BRINP1: variants seen among roughly 807,000 people sequenced by gnomAD.
BRINP1 encodes the protein BMP/retinoic acid-inducible neural-specific protein 1.
A neutral mutation model predicts 72.9 loss-of-function variants in BRINP1; 17 were observed. The ratio of observed to expected loss-of-function variants is 0.23; its 90% CI spans 0.16 to 0.35. The LOEUF (loss-of-function observed/expected upper bound fraction) is 0.35. Among genes scored for constraint, BRINP1 ranks in the 10% least tolerant of loss-of-function variants. BRINP1 has a pLI of 1.00. For missense variants in BRINP1, 850 were observed against 1,001.6 expected, an observed-to-expected ratio of 0.85 and a Z score of 2.04; for synonymous variants, 418 against 378.5, an observed-to-expected ratio of 1.10 and a Z score of -1.21.
chr9:119,332,902 C>T (rs916602056), intron 1 of BRINP1, among the ~76,000 whole-genome samples: 10 of 152,022 alleles, frequency 6.6e-5, no homozygotes, highest in Admixed American at 6.5e-5. Context: ...AACAAGTTTA[C>T]GGTAATAGCT....
intron 3 of BRINP1, among the ~76,000 whole-genome samples, chr9:119,247,392 C>A (rs1830331550): frequency 6.6e-6 from 1 of 151,954 alleles, no homozygotes; most frequent in South Asian, 2.1e-4. Context: ...GTGGCTCACA[C>A]CTGTAATCCC....
intron 2 of BRINP1, among the ~76,000 whole-genome samples, chr9:119,307,558 A>C (rs899513706): frequency 1.3e-5 from 2 of 152,210 alleles, no homozygotes; most frequent in Admixed American, 6.5e-5. Context: ...AGGTAGATTT[A>C]GACCAATAAC....
intron 1 of BRINP1, among the ~76,000 whole-genome samples, chr9:119,321,861 C>G (rs72761773): frequency 0.025 from 3,807 of 152,286 alleles, 70 homozygotes; most frequent in Non-Finnish European, 0.038. Flanking sequence ...CTGCTAGAAA[C>G]TTTAAAATTA....
intron 2 of BRINP1, among the ~76,000 whole-genome samples, chr9:119,279,268 C>T (rs1015857644): frequency 6.6e-6 from 1 of 152,118 alleles, no homozygotes; most frequent in Non-Finnish European, 1.5e-5. Flanking sequence ...AAACTGTGTC[C>T]CTATCTAAAC....
At chr9:119,237,487 C>T (rs147561595) in intron 5 of BRINP1, among the ~76,000 whole-genome samples, 4,285 of 151,724 alleles carry the variant, frequency 0.028, 62 homozygotes, top group Non-Finnish European at 0.043. Flanking sequence ...CTCAGCTTCC[C>T]GAGTAGCTGG....
intron 1 of BRINP1, among the ~76,000 whole-genome samples, chr9:119,367,284 T>G (rs1831705365): frequency 6.8e-6 from 1 of 146,238 alleles, no homozygotes. Flanking sequence ...GCCAAATATA[T>G]TTCTACTTTT....
chr9:119,242,264 TGAGAG>T, intron 3 of BRINP1, 48 bp from the exon 4 acceptor site: 1 of 1,503,736 alleles, frequency 6.7e-7, no homozygotes. Context: ...AGCTTTCATG[TGAGAG>T]GACAGGGATG....
intron 6 of BRINP1, among the ~76,000 whole-genome samples, chr9:119,209,896 G>C (rs571821528): frequency 6.6e-6 from 1 of 152,294 alleles, no homozygotes; most frequent in South Asian, 2.1e-4. Context: ...TTGTATGGGT[G>C]TCCCATCTAG....
chr9:119,315,920 A>C (rs527720586), intron 1 of BRINP1, among the ~76,000 whole-genome samples: 2 of 152,336 alleles, frequency 1.3e-5, no homozygotes, highest in African/African-American at 4.8e-5. Flanking sequence ...GCTGCAGAAG[A>C]AAAGTCTGAA....
chr9:119,173,345 A>G (rs1829440801), intron 7 of BRINP1, among the ~76,000 whole-genome samples: 1 of 146,448 alleles, frequency 6.8e-6, no homozygotes, highest in East Asian at 2.0e-4. Context: ...ACAACAGACA[A>G]ACAGAGAGCC....
intron 7 of BRINP1, among the ~76,000 whole-genome samples, chr9:119,206,397 G>T (rs1054731785): frequency 1.1e-4 from 14 of 129,600 alleles, no homozygotes; most frequent in African/African-American, 4.4e-4. Flanking sequence ...TCTAGCCTGG[G>T]CAACAAAGCG....
intron 7 of BRINP1, among the ~76,000 whole-genome samples, chr9:119,192,583 A>C (rs1414747430): frequency 1.3e-5 from 2 of 152,104 alleles, no homozygotes; most frequent in East Asian, 3.8e-4. Context: ...TATTATAAAA[A>C]AGACAAGAGA....
chr9:119,334,527 C>T (rs77055959), intron 1 of BRINP1, among the ~76,000 whole-genome samples: 544 of 152,250 alleles, frequency 3.6e-3, no homozygotes, highest in Non-Finnish European at 5.8e-3. Flanking sequence ...TAAACTAGAG[C>T]ATGCCATCAG....
intron 1 of BRINP1, among the ~76,000 whole-genome samples, chr9:119,335,383 T>C (rs1831337131): frequency 6.6e-6 from 1 of 152,138 alleles, no homozygotes; most frequent in Non-Finnish European, 1.5e-5. Context: ...TTTTAAATTA[T>C]CTCTAAGGGC....
chr9:119,268,285 T>TAGATAGATAGATAGATAGATAGAC lies in BRINP1; in HGVS notation c.219-19136_219-19135insGTCTATCTATCTATCTATCTATCT, dbSNP rs1554752344. Reference sequence around the variant, plus strand: ...ATAGATAGATAGATAGATAGATAGATAGATAGATAGATAGATAAAAGTGTT... The same window carrying TAGATAGATAGATAGATAGATAGAC: ...ATAGATAGATAGATAGATAGATAGATAGATAGATAGATAGATAGATAGACAGATAGATAGATAGATAAAAGTGTT... On this transcript the variant is annotated intron_variant, in intron 2 of 7. Coordinates refer to ENST00000265922, the MANE Select transcript of BRINP1 (RefSeq NM_014618.3). Among the ~76,000 whole-genome samples the TAGATAGATAGATAGATAGATAGAC allele has an allele frequency of 7.2e-3, 1,077 of 148,614 alleles. 12 individuals are homozygous for TAGATAGATAGATAGATAGATAGAC. The highest frequency in any genetic ancestry group is 0.019 in the East Asian group (95 of 4,948).
intron 2 of BRINP1, among the ~76,000 whole-genome samples, chr9:119,265,591 C>T (rs115866419): frequency 0.016 from 2,439 of 152,118 alleles, 51 homozygotes; most frequent in African/African-American, 0.053. Flanking sequence ...AGCAAGACTC[C>T]ATCTCAATTA....
chr9:119,185,977 T>C (rs1204214996), intron 7 of BRINP1, among the ~76,000 whole-genome samples: 1 of 152,222 alleles, frequency 6.6e-6, no homozygotes, highest in Non-Finnish European at 1.5e-5. Flanking sequence ...ACTATGATCA[T>C]ACACAGTAGT....
At chr9:119,260,587 T>C (rs1830486128) in intron 2 of BRINP1, among the ~76,000 whole-genome samples, 1 of 152,198 alleles carries the variant, frequency 6.6e-6, no homozygotes, top group Non-Finnish European at 1.5e-5. Flanking sequence ...TCCCAAAATG[T>C]TTGAAAACTA....
chr9:119,172,171 T>C (rs957143666), intron 7 of BRINP1, among the ~76,000 whole-genome samples: 1 of 151,710 alleles, frequency 6.6e-6, no homozygotes, highest in African/African-American at 2.4e-5. Flanking sequence ...AAAAAACCCA[T>C]CAAAAAGTTA....
Sources: gnomAD v4.1 joint callset for allele counts (sites outside exome capture counted in the v4.1 genomes callset) on GRCh38, gnomAD v4.1.1 for gene constraint, MANE v1.5 for transcripts, NCBI Gene and HGNC (gene_info 2026-07-23, HGNC 2026-07-21) for gene names.